The following RAB31 variants were observed in gnomAD, a reference collection of about 807,000 sequenced individuals.
RAB31 encodes ras-related protein Rab-31.
A neutral mutation model predicts 25.6 loss-of-function variants in RAB31; 21 were observed. The ratio of observed to expected loss-of-function variants is 0.82; its 90% CI spans 0.58 to 1.18. The LOEUF (loss-of-function observed/expected upper bound fraction) is 1.18, where lower values mean the gene tolerates loss of function less well. RAB31 is among the 50% of genes most tolerant of loss of function. RAB31 has a pLI of 0.00. For synonymous variants in RAB31, 87 were observed against 84.0 expected (o/e 1.04, Z -0.20); for missense variants, 196 against 250.1 (o/e 0.78, Z 1.46).
At chr18:9,749,508 T>C (rs1259048382) in intron 1 of RAB31, among the ~76,000 whole-genome samples, 1 of 152,232 alleles carries the variant, frequency 6.6e-6, no homozygotes, top group African/African-American at 2.4e-5. Context: ...TTGTAATTTA[T>C]AGTTTACATA....
chr18:9,792,365 A>G, intron 3 of RAB31, 130 bp downstream of exon 3: 1 of 1,430,578 alleles, frequency 7.0e-7, no homozygotes, highest in Non-Finnish European at 9.2e-7. Flanking sequence ...GATGTAAGCA[A>G]AAAGAAAATG....
intron 1 of RAB31, among the ~76,000 whole-genome samples, chr18:9,738,936 G>A (rs2068163897): frequency 1.3e-5 from 2 of 152,334 alleles, no homozygotes; most frequent in South Asian, 4.1e-4. Flanking sequence ...GAACGCTGGT[G>A]TCCGCTGAAG....
In RAB31 at chr18:9,859,329, A is replaced by C. The variant is rs1413326055; in HGVS notation, c.*4A>C. On this transcript the variant is annotated 3_prime_UTR_variant, in exon 7 of 7. Coordinates refer to ENST00000578921, the MANE Select transcript of RAB31 (RefSeq NM_006868.4). ...AGCCAGCCGCCGGTGCTGTTGACCCAAGGGCCGTGGTCCACGGTACTTGAA... is the reference window on the plus strand; with the variant it reads ...AGCCAGCCGCCGGTGCTGTTGACCCCAGGGCCGTGGTCCACGGTACTTGAA... 6.2e-7 allele frequency: 1 copy of C among 1,607,362 alleles called. No homozygotes were observed. Among genetic ancestry groups the C allele is most frequent in the South Asian group, 1.1e-5 (1 of 90,962 alleles).
chr18:9,766,327 C>A lies in RAB31; in HGVS notation c.40-8951C>A, dbSNP rs1006284770. 2.9e-4 allele frequency among the ~76,000 whole-genome samples: 44 copies of A among 152,314 alleles called. No homozygotes were observed. The Middle Eastern group carries it at 0.01, about 35-fold the overall frequency. ...TCTGCATCTGCGAGCTCCATCTGCC[C>A]CCGGAGTGGGTGAGCCAGGCAAGCG... On this transcript the variant is annotated intron_variant, in intron 1 of 6. Transcript: ENST00000578921. The surrounding 1 kb of genome is among the most constrained non-coding windows in gnomAD (Gnocchi z 4.3).
chr18:9,780,399 G>GA (rs1216344262), intron 2 of RAB31, among the ~76,000 whole-genome samples: 2 of 151,688 alleles, frequency 1.3e-5, no homozygotes, highest in East Asian at 1.9e-4. Flanking sequence ...AACTGAAAAT[G>GA]AAAAAAACAT....
intron 1 of RAB31, among the ~76,000 whole-genome samples, chr18:9,756,048 A>G (rs2068258847): frequency 6.6e-6 from 1 of 152,190 alleles, no homozygotes; most frequent in South Asian, 2.1e-4. Context: ...ATATTTTGTA[A>G]TGTCTGTTAA....
At chr18:9,817,117 C>T (rs1264585729) in intron 5 of RAB31, among the ~76,000 whole-genome samples, 1 of 152,076 alleles carries the variant, frequency 6.6e-6, no homozygotes, top group Non-Finnish European at 1.5e-5. Context: ...GCTTACTCAT[C>T]TAGTGTTCCC....
At chr18:9,850,735 G>A (rs897629987) in intron 6 of RAB31, among the ~76,000 whole-genome samples, 7 of 152,126 alleles carry the variant, frequency 4.6e-5, no homozygotes, top group Non-Finnish European at 1.0e-4. Flanking sequence ...GCATGGCGGT[G>A]TGCACCTGTA....
intron 5 of RAB31, among the ~76,000 whole-genome samples, chr18:9,826,932 A>G (rs943175550): frequency 6.6e-5 from 10 of 152,040 alleles, no homozygotes; most frequent in African/African-American, 1.7e-4. Context: ...ACTCCCTCAC[A>G]CTTCCTCTGA....
intron 2 of RAB31, among the ~76,000 whole-genome samples, chr18:9,788,668 A>G (rs1043399993): frequency 2.0e-5 from 3 of 152,244 alleles, no homozygotes; most frequent in Admixed American, 1.3e-4. Flanking sequence ...TCCATCATCC[A>G]TCAACAAATG....
At chr18:9,841,993 C>G (rs1346435758) in intron 5 of RAB31, among the ~76,000 whole-genome samples, 1 of 152,052 alleles carries the variant, frequency 6.6e-6, no homozygotes, top group Non-Finnish European at 1.5e-5. Flanking sequence ...AATGCAGGAG[C>G]TTAGGCCCGA....
intron 2 of RAB31, among the ~76,000 whole-genome samples, chr18:9,783,933 A>G (rs1000820739): frequency 1.6e-4 from 25 of 152,374 alleles, no homozygotes; most frequent in African/African-American, 5.8e-4. Context: ...AGGCCATCTC[A>G]TACACCATTA....
intron 1 of RAB31, among the ~76,000 whole-genome samples, chr18:9,764,960 T>C (rs1359198668): frequency 6.6e-6 from 1 of 151,784 alleles, no homozygotes; most frequent in African/African-American, 2.4e-5. Context: ...TTTCTTTCTT[T>C]CTTTTTTTTT....
chr18:9,753,643 G>T (rs1156574039), intron 1 of RAB31, among the ~76,000 whole-genome samples: 1 of 152,222 alleles, frequency 6.6e-6, no homozygotes, highest in African/African-American at 2.4e-5. Context: ...TCCTGGTCCA[G>T]TGTGGATTCT....
At chr18:9,763,780 G>A (rs2068300925) in intron 1 of RAB31, among the ~76,000 whole-genome samples, 1 of 152,000 alleles carries the variant, frequency 6.6e-6, no homozygotes, top group African/African-American at 2.4e-5. Context: ...TATATTGTTA[G>A]TAAATGTCAG....
At position 9,740,870 on chromosome 18, in the gene RAB31, G is replaced by T. The variant is rs577251166; in HGVS notation, c.39+32426G>T. On this transcript the variant is annotated intron_variant, in intron 1 of 6. Transcript: ENST00000578921. ...GACATATGGAAGTTGCTGCACAGGG[G>T]TCTCTAATGGCAGAGGTGCCTCCAG... 1.2e-4 allele frequency among the ~76,000 whole-genome samples: 19 copies of T among 152,300 alleles called. No homozygotes were observed. In the East Asian group the frequency reaches 3.1e-3, roughly 25 times the overall value.
chr18:9,733,957 T>C (rs1356977406), intron 1 of RAB31, among the ~76,000 whole-genome samples: 2 of 151,644 alleles, frequency 1.3e-5, no homozygotes, highest in Non-Finnish European at 2.9e-5. Flanking sequence ...GTCAAATTCC[T>C]CCCAACTGAA....
intron 5 of RAB31, among the ~76,000 whole-genome samples, chr18:9,821,481 AGT>A (rs1238811516): frequency 2.6e-5 from 4 of 152,010 alleles, no homozygotes; most frequent in African/African-American, 9.7e-5. Flanking sequence ...CATTTATGAC[AGT>A]GATATCATAT....
At chr18:9,829,634 G>T (rs2068667458) in intron 5 of RAB31, among the ~76,000 whole-genome samples, 1 of 152,196 alleles carries the variant, frequency 6.6e-6, no homozygotes, top group Admixed American at 6.5e-5. Context: ...TTTCACGGTG[G>T]CATGGAATAT....
Sources: gnomAD v4.1 joint callset for allele counts (sites outside exome capture counted in the v4.1 genomes callset) on GRCh38, gnomAD v4.1.1 for gene constraint, Gnocchi (gnomAD v3.1) non-coding constraint, MANE v1.5 for transcripts, NCBI Gene and HGNC (gene_info 2026-07-23, HGNC 2026-07-21) for gene names.